JAM3: variants seen among roughly 807,000 people sequenced by gnomAD.
The protein encoded by JAM3 is junctional adhesion molecule C.
JAM3 carries 31 observed loss-of-function variants against 39.4 expected under a neutral mutation model. The ratio of observed to expected loss-of-function variants is 0.79; its 90% CI spans 0.59 to 1.06. The LOEUF (loss-of-function observed/expected upper bound fraction) is 1.06, where lower values mean the gene tolerates loss of function less well. Among genes scored for constraint, JAM3 ranks in the 50% least tolerant of loss-of-function variants. The pLI, the probability that JAM3 is intolerant of heterozygous loss-of-function variation, is 0.00. For missense variants in JAM3, 455 were observed against 391.4 expected (o/e 1.16, Z -1.37); for synonymous variants, 182 against 148.7 (o/e 1.22, Z -1.63).
rs71993546 is a variant in JAM3 at position 134,145,149 on chromosome 11, TCTTC to T, written c.612+159_612+162del. On this transcript the variant is annotated intron_variant, in intron 5 of 8. Coordinates refer to ENST00000299106, the MANE Select transcript of JAM3 (RefSeq NM_032801.5). ...GGGATTCTACAGGAAAAATGACCCTTCTTCCTTTTATAAACAAGTACATTCTTAG... is the reference window on the plus strand; with the variant it reads ...GGGATTCTACAGGAAAAATGACCCTTCTTTTATAAACAAGTACATTCTTAG... The T allele has an allele frequency of 0.056, 39,614 of 702,582 alleles. 1,351 individuals carry two copies. Among genetic ancestry groups the T allele is most frequent in the Non-Finnish European group, 0.058 (22,539 of 390,964 alleles). 43.5% of individuals were successfully genotyped at this position (702,582 alleles called of 1,614,324 possible). A position where few individuals can be genotyped will look rare whatever the true frequency, so the allele number is the denominator to read the frequency against.
intron 1 of JAM3, among the ~76,000 whole-genome samples, chr11:134,116,577 C>G (rs1435525841): frequency 1.3e-5 from 2 of 152,170 alleles, no homozygotes; most frequent in African/African-American, 4.8e-5. Context: ...CACTTTCTTG[C>G]TCTCTGACAC....
intron 1 of JAM3, among the ~76,000 whole-genome samples, chr11:134,084,188 T>C (rs1941710454): frequency 6.6e-6 from 1 of 152,334 alleles, no homozygotes; most frequent in South Asian, 2.1e-4. Flanking sequence ...ATGCAGGTCA[T>C]GATCTTGTCT....
At chr11:134,107,685 AG>A (rs1325414904) in intron 1 of JAM3, among the ~76,000 whole-genome samples, 1 of 152,084 alleles carries the variant, frequency 6.6e-6, no homozygotes, top group African/African-American at 2.4e-5. Context: ...CAACATAGCA[AG>A]TCCCCATCTC....
chr11:134,075,353 G>T (rs1181982321), intron 1 of JAM3, among the ~76,000 whole-genome samples: 3 of 152,206 alleles, frequency 2.0e-5, no homozygotes, highest in African/African-American at 7.2e-5. Context: ...GGATGGGAAA[G>T]TGGAGGAAAT....
At chr11:134,097,481 G>C (rs1325394856) in intron 1 of JAM3, among the ~76,000 whole-genome samples, 1 of 152,110 alleles carries the variant, frequency 6.6e-6, no homozygotes, top group East Asian at 1.9e-4. Flanking sequence ...CCTCTTTGGA[G>C]CATTAGTGAT....
Position 134,144,801 on chromosome 11 carries a change from T to C in JAM3, c.419T>C (p.Val140Ala). The C allele has an allele frequency of 6.2e-7, 1 of 1,614,090 alleles. No individual in the cohort carries two copies. The highest frequency in any genetic ancestry group is 8.5e-7 in the Non-Finnish European group (1 of 1,179,962). ...VIELTVQVKP[V>A]TPVCRVPKAV... ...CCCTTTTTCCCCACAGTGAAGCCAG[T>C]GACCCCTGTCTGTAGAGTGCCGAAG... The change falls in exon 5 of 9, where the codon GTG (valine) becomes GCG (alanine). Residue 140 changes from valine to alanine, a missense_variant. Physicochemically the swap from Val to Ala is moderately conservative, Grantham distance 64 (BLOSUM62 0). Coordinates refer to ENST00000299106, the MANE Select transcript of JAM3 (RefSeq NM_032801.5).
chr11:134,124,986 C>T (rs998046576), intron 1 of JAM3, among the ~76,000 whole-genome samples: 3 of 151,758 alleles, frequency 2.0e-5, no homozygotes, highest in Non-Finnish European at 4.4e-5. Context: ...GCGGCAGCGG[C>T]GACGACACCC....
intron 6 of JAM3, chr11:134,148,293 A>G: frequency 1.8e-6 from 1 of 541,136 alleles, no homozygotes; most frequent in South Asian, 2.0e-5. Context: ...AGCCCACTTT[A>G]ATACACTTTT....
chr11:134,070,089 T>C (rs766606006), intron 1 of JAM3: 2 of 452,092 alleles, frequency 4.4e-6, no homozygotes, highest in South Asian at 1.6e-5. Context: ...GAGCTTGTAC[T>C]GTCTACTAGG....
At chr11:134,123,901 G>T in intron 1 of JAM3, 2 of 1,014,208 alleles carry the variant, frequency 2.0e-6, no homozygotes, top group Non-Finnish European at 3.1e-6. Flanking sequence ...AAGTAAAGCA[G>T]CTGTTTGGAA....
At chr11:134,111,664 G>A (rs1942314070) in intron 1 of JAM3, among the ~76,000 whole-genome samples, 1 of 152,028 alleles carries the variant, frequency 6.6e-6, no homozygotes, top group South Asian at 2.1e-4. Flanking sequence ...ATGTACCAAG[G>A]AATAAGGAAG....
chr11:134,125,398 C>A (rs1942628542), intron 1 of JAM3, among the ~76,000 whole-genome samples: 2 of 152,168 alleles, frequency 1.3e-5, no homozygotes, highest in Admixed American at 6.5e-5. Context: ...GCTTCAAGGT[C>A]TGATTCATGT....
intron 1 of JAM3, among the ~76,000 whole-genome samples, chr11:134,086,313 T>A (rs1292867544): frequency 6.6e-6 from 1 of 152,222 alleles, no homozygotes; most frequent in African/African-American, 2.4e-5. Context: ...AAAAGCTCCC[T>A]TTATGGCTTA....
At position 134,114,681 on chromosome 11, in the gene JAM3, A is replaced by G. The variant is rs1267198114; in HGVS notation, c.77-25170A>G. Among the ~76,000 whole-genome samples, 10 of 152,196 alleles carry G rather than the reference A, an allele frequency of 6.6e-5. No homozygotes were observed. In the East Asian group the frequency reaches 1.2e-3, roughly 18 times the overall value. On this transcript the variant is annotated intron_variant, in intron 1 of 8. Transcript: ENST00000299106. ...CAGATGCCTTTCTGTACTGATCTCTATTTTAATTTCACTGTGGTCAGAAAA... is the reference window on the plus strand; with the variant it reads ...CAGATGCCTTTCTGTACTGATCTCTGTTTTAATTTCACTGTGGTCAGAAAA...
intron 1 of JAM3, among the ~76,000 whole-genome samples, chr11:134,109,098 A>C (rs1332715418): frequency 6.6e-6 from 1 of 152,146 alleles, no homozygotes; most frequent in Non-Finnish European, 1.5e-5. Flanking sequence ...CTGGGACTAC[A>C]GGCACGAGCC....
intron 1 of JAM3, among the ~76,000 whole-genome samples, chr11:134,116,551 G>T (rs773723833): frequency 2.0e-5 from 3 of 152,024 alleles, no homozygotes; most frequent in African/African-American, 4.8e-5. Flanking sequence ...ATTTTTTGTC[G>T]TTGTTTGTTT....
chr11:134,109,354 A>G (rs749814242), intron 1 of JAM3, among the ~76,000 whole-genome samples: 1 of 152,248 alleles, frequency 6.6e-6, no homozygotes, highest in Non-Finnish European at 1.5e-5. Flanking sequence ...AGGAAGAAGT[A>G]AAGCTGTCTT....
At chr11:134,080,330 T>C (rs1941644261) in intron 1 of JAM3, among the ~76,000 whole-genome samples, 1 of 152,238 alleles carries the variant, frequency 6.6e-6, no homozygotes, top group African/African-American at 2.4e-5. Context: ...GACTACTTCA[T>C]AGGAAAAGAT....
intron 1 of JAM3, among the ~76,000 whole-genome samples, chr11:134,107,948 A>T (rs1316695024): frequency 6.6e-6 from 1 of 152,112 alleles, no homozygotes; most frequent in African/African-American, 2.4e-5. Flanking sequence ...AAGATAATAA[A>T]GGTAAAAGCA....
Sources: gnomAD v4.1 joint callset for allele counts (sites outside exome capture counted in the v4.1 genomes callset) on GRCh38, gnomAD v4.1.1 for gene constraint, MANE v1.5 for transcripts, NCBI Gene and HGNC (gene_info 2026-07-23, HGNC 2026-07-21) for gene names.